ICA1L: variants seen among roughly 807,000 people sequenced by gnomAD.
ICA1L encodes the protein islet cell autoantigen 1 like.
ICA1L carries 50 observed loss-of-function variants against 61.3 expected under a neutral mutation model. The ratio of observed to expected loss-of-function variants is 0.82; its 90% confidence interval spans 0.65 to 1.03. The LOEUF is 1.03. Ranked by LOEUF, ICA1L falls within the 50% of genes least tolerant of loss-of-function variation. The pLI is 0.00. For synonymous variants in ICA1L, 161 were observed against 191.3 expected, an observed-to-expected ratio of 0.84 and a Z score of 1.31; for missense variants, 508 against 556.7, an observed-to-expected ratio of 0.91 and a Z score of 0.88.
At chr2:202,801,767 G>C (rs1693091470) in intron 9 of ICA1L, among the ~76,000 whole-genome samples, 1 of 152,194 alleles carries the variant, frequency 6.6e-6, no homozygotes, top group Admixed American at 6.5e-5. Context: ...GGCCAGACAA[G>C]GCCCTTGGCA....
intron 12 of ICA1L, among the ~76,000 whole-genome samples, chr2:202,782,917 A>G (rs1329840360): frequency 1.3e-5 from 2 of 152,202 alleles, no homozygotes; most frequent in South Asian, 2.1e-4. Context: ...AAAGAAAAGT[A>G]TAACTATAAG....
chr2:202,818,019 T>A (rs746861872), intron 5 of ICA1L, among the ~76,000 whole-genome samples: 1 of 152,192 alleles, frequency 6.6e-6, no homozygotes, highest in Non-Finnish European at 1.5e-5. Flanking sequence ...GTGTGAATAC[T>A]CAACCTTTTA....
chr2:202,789,737 A>G (rs1692690599), intron 10 of ICA1L, among the ~76,000 whole-genome samples: 1 of 152,242 alleles, frequency 6.6e-6, no homozygotes, highest in South Asian at 2.1e-4. Flanking sequence ...ACTTTCGGAA[A>G]AATAATGATG....
At chr2:202,820,061 G>T in intron 4 of ICA1L, 162 bp from the exon 5 acceptor site, 1 of 615,840 alleles carries the variant, frequency 1.6e-6, no homozygotes, top group Non-Finnish European at 2.8e-6. Context: ...GGATCATATA[G>T]CCAACTCTGA....
chr2:202,848,182 C>T (rs1452386179), intron 1 of ICA1L, among the ~76,000 whole-genome samples: 1 of 152,110 alleles, frequency 6.6e-6, no homozygotes, highest in Non-Finnish European at 1.5e-5. Context: ...AGGCTGGTCT[C>T]GAACTCCTGA....
In ICA1L at chr2:202,825,840, A is replaced by G. The variant is rs950724034; in HGVS notation, c.163-73T>C. On this transcript the variant is annotated intron_variant, in intron 2 of 12. Coordinates refer to ENST00000358299, the MANE Select transcript of ICA1L (RefSeq NM_001288622.3). ...TATATGTTATAAGCACCCCAAAAGC[A>G]TAACATTTTCTTCTAAGTATTATGT... 25 of 842,642 alleles carry G rather than the reference A, an allele frequency of 3.0e-5. No homozygotes were observed. The East Asian group carries it at 5.9e-4, about 20-fold the overall frequency. 52.2% of individuals were successfully genotyped at this position (842,642 alleles called of 1,614,324 possible). A position where few individuals can be genotyped will look rare whatever the true frequency, so the allele number is the denominator to read the frequency against.
chr2:202,806,553 G>A (rs1163613195), intron 9 of ICA1L, among the ~76,000 whole-genome samples: 1 of 151,880 alleles, frequency 6.6e-6, no homozygotes, highest in Non-Finnish European at 1.5e-5. Flanking sequence ...GGCTGAGGTG[G>A]GAGGATCACC....
At chr2:202,867,347 T>A (rs1168403292) in intron 1 of ICA1L, among the ~76,000 whole-genome samples, 1 of 152,194 alleles carries the variant, frequency 6.6e-6, no homozygotes, top group Non-Finnish European at 1.5e-5. Flanking sequence ...AGAATGTACT[T>A]ATACAAACCT....
intron 2 of ICA1L, 95 bp downstream of exon 2, chr2:202,828,753 C>G: frequency 1.0e-6 from 1 of 979,994 alleles, no homozygotes; most frequent in Non-Finnish European, 1.6e-6. Context: ...TGCATTTATC[C>G]TCATAAACTC....
In ICA1L at chr2:202,777,076, A is replaced by C. The variant is rs1039450390; in HGVS notation, c.*2457T>G. On this transcript the variant is annotated 3_prime_UTR_variant, in exon 13 of 13. Transcript: ENST00000358299. ...TTTTTTTTTTTTTTTTTTTTTTGAG[A>C]GAGTCGCTCTCTGTTGCCCAGGCTG... 3.3e-5 allele frequency: 3 copies of C among 91,196 alleles called. No homozygotes were observed. The highest frequency in any genetic ancestry group is 3.7e-5 in the Non-Finnish European group (2 of 53,644). 5.6% of individuals were successfully genotyped at this position (91,196 alleles called of 1,614,324 possible).
chr2:202,781,946 C>T (rs1040315294), intron 12 of ICA1L, among the ~76,000 whole-genome samples: 1 of 152,114 alleles, frequency 6.6e-6, no homozygotes, highest in Non-Finnish European at 1.5e-5. Flanking sequence ...TTCATTTTAG[C>T]CATTGTAATA....
chr2:202,787,615 C>G (rs1692627300), intron 11 of ICA1L, among the ~76,000 whole-genome samples: 1 of 152,176 alleles, frequency 6.6e-6, no homozygotes, highest in Admixed American at 6.5e-5. Context: ...ATGCTGCTGT[C>G]ATAGAAAGTA....
At chr2:202,801,358 G>A (rs551984367) in intron 9 of ICA1L, among the ~76,000 whole-genome samples, 1 of 152,314 alleles carries the variant, frequency 6.6e-6, no homozygotes, top group South Asian at 2.1e-4. Flanking sequence ...ACAGATGCAT[G>A]AAATTGGGAT....
At chr2:202,797,941 C>T (rs1456060751) in intron 9 of ICA1L, among the ~76,000 whole-genome samples, 1 of 152,192 alleles carries the variant, frequency 6.6e-6, no homozygotes. Flanking sequence ...GCCATCCCCC[C>T]AGTTCCCTCC....
chr2:202,833,770 A>G (rs1574364169), intron 1 of ICA1L, among the ~76,000 whole-genome samples: 1 of 152,224 alleles, frequency 6.6e-6, no homozygotes, highest in African/African-American at 2.4e-5. Context: ...AATACTATTC[A>G]GCCTTTAAAA....
At chr2:202,836,814 T>TAGATATATAGATATAGATAC (rs1694163115) in intron 1 of ICA1L, among the ~76,000 whole-genome samples, 2 of 147,434 alleles carry the variant, frequency 1.4e-5, no homozygotes, top group Admixed American at 1.4e-4. Flanking sequence ...TAGATATATA[T>TAGATATATAGATATAGATAC]AGATATATAG....
At chr2:202,845,601 T>C (rs1212097798) in intron 1 of ICA1L, among the ~76,000 whole-genome samples, 1 of 150,214 alleles carries the variant, frequency 6.7e-6, no homozygotes, top group Non-Finnish European at 1.5e-5. Context: ...CACTCAAGCC[T>C]GGGCAACAGA....
chr2:202,784,620 C>G (rs772661045), intron 12 of ICA1L, among the ~76,000 whole-genome samples: 5 of 152,000 alleles, frequency 3.3e-5, no homozygotes, highest in Non-Finnish European at 1.5e-5. Context: ...TTGTATCTGT[C>G]AAACAGAGTA....
At chr2:202,829,575 G>A (rs1413891737) in intron 1 of ICA1L, among the ~76,000 whole-genome samples, 1 of 151,990 alleles carries the variant, frequency 6.6e-6, no homozygotes, top group Non-Finnish European at 1.5e-5. Context: ...TGCAGCACTG[G>A]GATTACAGGT....
Sources: gnomAD v4.1 joint callset for allele counts (sites outside exome capture counted in the v4.1 genomes callset) on GRCh38, gnomAD v4.1.1 for gene constraint, MANE v1.5 for transcripts, NCBI Gene and HGNC (gene_info 2026-07-23, HGNC 2026-07-21) for gene names.